Variants in GPSM2 observed in about 807,000 individuals in gnomAD.
GPSM2 encodes G protein-signaling modulator 2.
In GPSM2, 58 loss-of-function variants were observed where a neutral mutation model predicts 78.4. That is an observed-to-expected ratio of 0.74 (90% CI 0.60 to 0.92). The LOEUF is 0.92. Ranked by LOEUF, GPSM2 falls within the 40% of genes least tolerant of loss-of-function variation. The probability of loss-of-function intolerance (pLI) is 0.00; values close to 1 mark genes in which losing one functional copy is unlikely to be tolerated. For missense variants in GPSM2, 700 were observed against 815.5 expected, an observed-to-expected ratio of 0.86 and a Z score of 1.73; for synonymous variants, 224 against 280.2, an observed-to-expected ratio of 0.80 and a Z score of 2.00.
In GPSM2 at chr1:108,930,102, T is replaced by C. The variant is rs1305667623; in HGVS notation, c.*162T>C. The C allele has an allele frequency of 1.5e-6, 1 of 676,950 alleles. No individual in the cohort carries two copies. Among genetic ancestry groups the C allele is most frequent in the South Asian group, 2.0e-5 (1 of 51,268 alleles). 41.9% of individuals were successfully genotyped at this position (676,950 alleles called of 1,614,324 possible). A position where few individuals can be genotyped will look rare whatever the true frequency, so the allele number is the denominator to read the frequency against. ...TAGTCTATTAAGGCATTAATACTTC[T>C]CTGGACATGCGCGTTTGAGGGTGGA... On this transcript the variant is annotated 3_prime_UTR_variant, in exon 15 of 15. Coordinates refer to ENST00000264126, the MANE Select transcript of GPSM2 (RefSeq NM_013296.5).
intron 14 of GPSM2, 152 bp from the exon 15 acceptor site, chr1:108,929,547 ACT>A (rs1651524722): frequency 2.9e-6 from 2 of 688,018 alleles, no homozygotes; most frequent in Non-Finnish European, 5.1e-6. Context: ...CAGGCTGGGA[ACT>A]AAAGAGAACA....
intron 11 of GPSM2, among the ~76,000 whole-genome samples, chr1:108,915,047 C>T (rs943072006): frequency 6.6e-6 from 1 of 151,952 alleles, no homozygotes; most frequent in Admixed American, 6.6e-5. Context: ...TACTTTTTTC[C>T]GTTTCCTTTG....
chr1:108,920,562 C>G (rs1650630237), intron 12 of GPSM2, among the ~76,000 whole-genome samples: 1 of 151,534 alleles, frequency 6.6e-6, no homozygotes, highest in Non-Finnish European at 1.5e-5. Context: ...TTTCTTTTGT[C>G]AGCATTTCAT....
chr1:108,877,130 G>A lies in GPSM2; in HGVS notation c.-347G>A, dbSNP rs1233589848. ...AGGGGGCGCGCCGGCCTCCTGCGGT[G>A]CCCCTGCCTTGGGGAGGGGCCGTGA... On this transcript the variant is annotated 5_prime_UTR_variant, in exon 1 of 15. Transcript: ENST00000264126. 2.0e-5 allele frequency: 3 copies of A among 152,170 alleles called. No homozygotes were observed. The highest frequency in any genetic ancestry group is 7.2e-5 in the African/African-American group (3 of 41,434). 9.4% of individuals were successfully genotyped at this position (152,170 alleles called of 1,614,324 possible).
chr1:108,923,961 G>GT lies in GPSM2; in HGVS notation c.1601-30dup, dbSNP rs770715946. ...TAGGTTTTTTTGTTTTTTGTTTTTT[G>GT]TTTTTTTTTAATCTTTGGCTTTCTT... On this transcript the variant is annotated intron_variant, in intron 13 of 14. Transcript: ENST00000264126. 1,788 of 1,360,050 alleles carry GT rather than the reference G, an allele frequency of 1.3e-3. 4 individuals carry two copies. The highest frequency in any genetic ancestry group is 0.012 in the African/African-American group (825 of 67,592). 84.2% of individuals were successfully genotyped at this position (1,360,050 alleles called of 1,614,324 possible).
rs776066872 is a variant in GPSM2 at position 108,898,973 on chromosome 1, A to C, written c.776A>C (p.Glu259Ala). 8.2e-6 allele frequency: 13 copies of C among 1,592,158 alleles called. No homozygotes were observed. The highest frequency in any genetic ancestry group is 1.0e-5 in the Non-Finnish European group (12 of 1,160,222). Reference protein sequence around the residue: ...GNAYIFLGEFETASEYYKKTL... With the variant: ...GNAYIFLGEFATASEYYKKTL... ...GCATATATATTTCTTGGTGAATTTG[A>C]AACTGCCTCGGAATACTACAAGTTA... The change falls in exon 7 of 15, where the codon GAA becomes GCA. Residue 259 changes from glutamate to alanine, a missense_variant. By Grantham distance (107) the Glu-to-Ala change is moderately radical. Coordinates refer to ENST00000264126, the MANE Select transcript of GPSM2 (RefSeq NM_013296.5).
intron 10 of GPSM2, among the ~76,000 whole-genome samples, chr1:108,912,577 TAAA>T (rs34266985): frequency 9.2e-6 from 1 of 108,716 alleles, no homozygotes. Flanking sequence ...CCTGTCTGTA[TAAA>T]AAAAAAAAAA....
At chr1:108,920,186 T>C (rs530170172) in intron 12 of GPSM2, among the ~76,000 whole-genome samples, 105 of 140,094 alleles carry the variant, frequency 7.5e-4, no homozygotes, top group African/African-American at 2.8e-3. Flanking sequence ...AAAATAAAAT[T>C]GGCTGGGCGC....
At chr1:108,887,741 A>G (rs542479535) in intron 2 of GPSM2, among the ~76,000 whole-genome samples, 2 of 152,324 alleles carry the variant, frequency 1.3e-5, no homozygotes, top group South Asian at 4.1e-4. Flanking sequence ...ACCCAGTGAC[A>G]GTCTGTGAGA....
rs1227338467 is a variant in GPSM2, at chr1:108,924,105, T to G, written c.1706T>G (p.Leu569Trp). The part of the protein sequence containing the change: ...LDDQRASFSN[L>W]PGLRLTQNSQ... ...GACCAGAGGGCTAGTTTCAGTAATT[T>G]GCCAGGGCTTCGTCTAACACAAAAC... is the stretch of plus-strand genomic sequence containing the variant. The change falls in exon 14 of 15, where the codon TTG becomes TGG. Residue 569 changes from leucine (L) to tryptophan (W), a missense_variant. By Grantham distance (61) the Leu-to-Trp change is moderately conservative. Transcript: ENST00000264126. 1.9e-6 allele frequency: 3 copies of G among 1,613,620 alleles called. No individual in the cohort carries two copies. In the Admixed American group the frequency reaches 5.0e-5, roughly 27 times the overall value.
At chr1:108,878,300 A>G (rs1033081017) in intron 1 of GPSM2, among the ~76,000 whole-genome samples, 3 of 152,186 alleles carry the variant, frequency 2.0e-5, no homozygotes, top group Non-Finnish European at 4.4e-5. Context: ...TCTCACACCT[A>G]CTTCTCTTTA....
chr1:108,882,076 CAAGT>C (rs1330837631), intron 1 of GPSM2, among the ~76,000 whole-genome samples: 1 of 152,134 alleles, frequency 6.6e-6, no homozygotes, highest in Non-Finnish European at 1.5e-5. Context: ...CTCATCCTCC[CAAGT>C]AGCTGGGGCT....
chr1:108,897,746 A>G (rs1648481950), intron 4 of GPSM2, 119 bp downstream of exon 4: 1 of 1,030,568 alleles, frequency 9.7e-7, no homozygotes, highest in East Asian at 2.7e-5. Context: ...GAAAACATTT[A>G]TAGACTAATA....
intron 10 of GPSM2, among the ~76,000 whole-genome samples, chr1:108,904,808 A>G (rs1232520324): frequency 4.6e-5 from 7 of 151,028 alleles, no homozygotes; most frequent in Admixed American, 2.6e-4. Context: ...TTAGGTGCCG[A>G]TTTGTTTGAC....
chr1:108,901,720 GT>G (rs1306597618), intron 7 of GPSM2, 69 bp from the exon 8 acceptor site: 9 of 1,189,492 alleles, frequency 7.6e-6, no homozygotes, highest in Non-Finnish European at 1.1e-5. Flanking sequence ...AAAAATGAGA[GT>G]TTTGTTTTGT....
intron 14 of GPSM2, chr1:108,926,347 GA>G (rs1651116889): frequency 6.6e-6 from 1 of 152,312 alleles, no homozygotes; most frequent in African/African-American, 2.4e-5. Flanking sequence ...ATGGACTTAA[GA>G]ATCTAGGCTG....
chr1:108,896,378 TGAGA>T (rs1469413859), intron 2 of GPSM2, among the ~76,000 whole-genome samples: 2 of 151,972 alleles, frequency 1.3e-5, no homozygotes, highest in Non-Finnish European at 2.9e-5. Flanking sequence ...TGTGTGTGTA[TGAGA>T]GAGAGAGCGA....
chr1:108,932,494 A>G lies in GPSM2; in HGVS notation c.*2554A>G, dbSNP rs1026501921. The G allele has an allele frequency of 3.9e-5, 6 of 152,208 alleles. No homozygotes were observed. The highest frequency in any genetic ancestry group is 5.9e-5 in the Non-Finnish European group (4 of 68,030). The allele number at this position is 152,208 out of a possible 1,614,324, so 9.4% of individuals were successfully genotyped here. Reference sequence around the variant, plus strand: ...CTGTCAAAGTAGACTTCATCCCCAAATGGATATCTGTAATGAAAGAATACA... The same window carrying G: ...CTGTCAAAGTAGACTTCATCCCCAAGTGGATATCTGTAATGAAAGAATACA... On this transcript the variant is annotated 3_prime_UTR_variant, in exon 15 of 15. Transcript: ENST00000264126.
intron 10 of GPSM2, among the ~76,000 whole-genome samples, chr1:108,905,439 A>C (rs980974816): frequency 6.6e-6 from 1 of 152,130 alleles, no homozygotes; most frequent in African/African-American, 2.4e-5. Context: ...CATTTTACCA[A>C]ATATATCATT....
Sources: allele counts gnomAD v4.1 joint callset (sites outside exome capture counted in the v4.1 genomes callset), GRCh38; gene constraint gnomAD v4.1.1; transcripts MANE v1.5; gene names NCBI Gene and HGNC (gene_info 2026-07-23, HGNC 2026-07-21).